The following LRRC7 variants were observed in gnomAD, a reference collection of about 807,000 sequenced individuals.
The protein encoded by LRRC7 is leucine-rich repeat-containing protein 7.
Under a neutral mutation model 175.7 loss-of-function variants are expected in LRRC7, and 23 were observed. The ratio of observed to expected loss-of-function variants is 0.13; its 90% confidence interval spans 0.09 to 0.19. The LOEUF (loss-of-function observed/expected upper bound fraction) is 0.19. Among genes scored for constraint, LRRC7 ranks in the 10% least tolerant of loss-of-function variants. The probability of loss-of-function intolerance (pLI) is 1.00; values close to 1 mark genes in which losing one functional copy is unlikely to be tolerated. For synonymous variants in LRRC7, 685 were observed against 680.9 expected (o/e 1.01, Z -0.09); for missense variants, 1,354 against 1,904.7 (o/e 0.71, Z 5.38).
At chr1:69,662,046 A>G (rs1293527565) in intron 1 of LRRC7, among the ~76,000 whole-genome samples, 1 of 152,174 alleles carries the variant, frequency 6.6e-6, no homozygotes, top group African/African-American at 2.4e-5. Flanking sequence ...AACTTTGCTC[A>G]GGTGGGAAGA....
At chr1:69,688,217 A>T (rs1490893387) in intron 2 of LRRC7, among the ~76,000 whole-genome samples, 2 of 152,250 alleles carry the variant, frequency 1.3e-5, no homozygotes, top group Non-Finnish European at 2.9e-5. Context: ...AGTAAGGAAC[A>T]TTAGTGAAAT....
intron 1 of LRRC7, among the ~76,000 whole-genome samples, chr1:69,591,534 T>C (rs903200589): frequency 1.3e-5 from 2 of 152,048 alleles, no homozygotes; most frequent in Non-Finnish European, 2.9e-5. Flanking sequence ...GTAAAACCGA[T>C]AGCTTCCGTG....
At chr1:69,585,192 G>A (rs974843250) in intron 1 of LRRC7, among the ~76,000 whole-genome samples, 9 of 151,990 alleles carry the variant, frequency 5.9e-5, no homozygotes, top group African/African-American at 2.2e-4. Flanking sequence ...AATATTTATT[G>A]GGGGTCTACT....
chr1:69,730,075 G>T (rs1234696874), intron 2 of LRRC7, among the ~76,000 whole-genome samples: 1 of 152,222 alleles, frequency 6.6e-6, no homozygotes, highest in Non-Finnish European at 1.5e-5. Flanking sequence ...GGCTAGAGCA[G>T]CTGGGGCACA....
intron 3 of LRRC7, among the ~76,000 whole-genome samples, chr1:69,780,484 T>C (rs916410772): frequency 2.0e-5 from 3 of 150,922 alleles, no homozygotes; most frequent in African/African-American, 7.3e-5. Context: ...AGGGAAAGGA[T>C]AGAAGGGAGG....
At chr1:70,115,924 C>T (rs918932707) in intron 26 of LRRC7, among the ~76,000 whole-genome samples, 2 of 151,964 alleles carry the variant, frequency 1.3e-5, no homozygotes, top group African/African-American at 4.8e-5. Context: ...ACAAAGAGCC[C>T]CCTGAAAATT....
intron 7 of LRRC7, among the ~76,000 whole-genome samples, chr1:69,915,764 G>T (rs755056318): frequency 2.6e-5 from 4 of 151,702 alleles, no homozygotes; most frequent in Admixed American, 2.0e-4. Flanking sequence ...AACTCTGAAA[G>T]CTTTCACTAA....
intron 1 of LRRC7, among the ~76,000 whole-genome samples, chr1:69,590,155 C>T (rs942126269): frequency 2.6e-5 from 4 of 152,110 alleles, no homozygotes; most frequent in South Asian, 2.1e-4. Flanking sequence ...TTGAAGATTC[C>T]ACTGTTTCTT....
chr1:69,681,052 C>T (rs1660426037), intron 2 of LRRC7, among the ~76,000 whole-genome samples: 2 of 152,036 alleles, frequency 1.3e-5, no homozygotes, highest in Admixed American at 1.3e-4. Context: ...TGCAAATGCA[C>T]ACATATTACC....
chr1:69,618,414 A>C (rs2100299214), intron 1 of LRRC7, among the ~76,000 whole-genome samples: 1 of 152,188 alleles, frequency 6.6e-6, no homozygotes, highest in South Asian at 2.1e-4. Flanking sequence ...ACTATACCCA[A>C]AGTTCTTTCA....
chr1:69,680,017 C>T (rs1660273641), intron 2 of LRRC7, among the ~76,000 whole-genome samples: 1 of 152,090 alleles, frequency 6.6e-6, no homozygotes, highest in Admixed American at 6.6e-5. Flanking sequence ...AGACCATATG[C>T]CCACAAAACC....
chr1:69,596,469 T>C (rs916405363), intron 1 of LRRC7, among the ~76,000 whole-genome samples: 1 of 152,180 alleles, frequency 6.6e-6, no homozygotes, highest in African/African-American at 2.4e-5. Context: ...AGCAAGCTGG[T>C]ACATAATAAC....
chr1:69,834,604 G>T (rs954379649), intron 5 of LRRC7, among the ~76,000 whole-genome samples, 176 bp from the exon 6 acceptor site: 14 of 152,034 alleles, frequency 9.2e-5, no homozygotes, highest in Non-Finnish European at 5.9e-5. Context: ...TTTAATAACA[G>T]GCAAAATTTT....
chr1:69,628,555 C>T (rs1405416089), intron 1 of LRRC7, among the ~76,000 whole-genome samples: 2 of 152,104 alleles, frequency 1.3e-5, no homozygotes, highest in African/African-American at 4.8e-5. Context: ...TTTTCCCAGC[C>T]TGATCCATAG....
At chr1:69,984,984 G>A (rs769805507) in intron 9 of LRRC7, among the ~76,000 whole-genome samples, 10 of 152,042 alleles carry the variant, frequency 6.6e-5, no homozygotes, top group Non-Finnish European at 1.3e-4. Context: ...AGCATGCTTC[G>A]TCACACTTTA....
intron 25 of LRRC7, among the ~76,000 whole-genome samples, chr1:70,093,483 C>T (rs889936418): frequency 6.6e-6 from 1 of 152,062 alleles, no homozygotes; most frequent in Non-Finnish European, 1.5e-5. Context: ...ACTCCAGATG[C>T]TTTTCTTAAT....
chr1:69,876,463 C>A (rs1285053610), intron 7 of LRRC7, among the ~76,000 whole-genome samples: 1 of 151,966 alleles, frequency 6.6e-6, no homozygotes, highest in Non-Finnish European at 1.5e-5. Context: ...ATTACCAGGG[C>A]AAAAATATAG....
chr1:69,990,961 A>G, intron 10 of LRRC7, among the ~76,000 whole-genome samples: 1 of 152,216 alleles, frequency 6.6e-6, no homozygotes, highest in South Asian at 2.1e-4. Context: ...TGGTTACCAG[A>G]CTGGGCAACA....
intron 8 of LRRC7, among the ~76,000 whole-genome samples, chr1:69,970,647 A>C (rs1652141088): frequency 6.6e-6 from 1 of 152,170 alleles, no homozygotes; most frequent in South Asian, 2.1e-4. Flanking sequence ...AAGAATTACC[A>C]ACAAAAAGAA....
Sources: allele counts gnomAD v4.1 joint callset (sites outside exome capture counted in the v4.1 genomes callset), GRCh38; gene constraint gnomAD v4.1.1; transcripts MANE v1.5; gene names NCBI Gene and HGNC (gene_info 2026-07-23, HGNC 2026-07-21).